CTNND2: variants seen among roughly 807,000 people sequenced by gnomAD.
The protein encoded by CTNND2 is catenin delta-2.
CTNND2 carries 22 observed loss-of-function variants against 144.4 expected under a neutral mutation model. The ratio of observed to expected loss-of-function variants is 0.15; its 90% CI spans 0.11 to 0.22. The LOEUF (loss-of-function observed/expected upper bound fraction) is 0.22. Ranked by LOEUF, CTNND2 falls within the 10% of genes least tolerant of loss-of-function variation. CTNND2 has a pLI of 1.00. For synonymous variants in CTNND2, 751 were observed against 695.6 expected (o/e 1.08, Z -1.25); for missense variants, 1,353 against 1,618.8 (o/e 0.84, Z 2.82).
At chr5:11,706,771 T>C (rs1785716738) in intron 2 of CTNND2, among the ~76,000 whole-genome samples, 1 of 152,106 alleles carries the variant, frequency 6.6e-6, no homozygotes, top group African/African-American at 2.4e-5. Context: ...TGATGAACTT[T>C]CCTACCAGGG....
At chr5:11,371,902 C>G (rs563123061) in intron 7 of CTNND2, among the ~76,000 whole-genome samples, 1 of 152,200 alleles carries the variant, frequency 6.6e-6, no homozygotes, top group East Asian at 1.9e-4. Context: ...AACAGGCCAT[C>G]TGATAATATA....
chr5:11,666,217 G>A (rs1309967294), intron 2 of CTNND2, among the ~76,000 whole-genome samples: 2 of 152,140 alleles, frequency 1.3e-5, no homozygotes, highest in African/African-American at 4.8e-5. Flanking sequence ...TGGAGAAAGA[G>A]GTAATTCGAG....
intron 18 of CTNND2, among the ~76,000 whole-genome samples, chr5:11,003,183 AT>A (rs1012187828): frequency 5.2e-4 from 78 of 150,134 alleles, no homozygotes; most frequent in East Asian, 1.4e-3. Context: ...GTCAAGTCTA[AT>A]TTTTTTTTTA....
intron 2 of CTNND2, among the ~76,000 whole-genome samples, chr5:11,591,378 G>A (rs1191431911): frequency 6.6e-6 from 1 of 152,134 alleles, no homozygotes; most frequent in African/African-American, 2.4e-5. Flanking sequence ...TTTCCCAGGT[G>A]AGAACTATTG....
intron 10 of CTNND2, among the ~76,000 whole-genome samples, chr5:11,230,937 T>C (rs1302672451): frequency 1.4e-5 from 2 of 142,052 alleles, no homozygotes; most frequent in Non-Finnish European, 3.1e-5. Flanking sequence ...TTCACCTCAC[T>C]GCTGGGAGGG....
intron 16 of CTNND2, among the ~76,000 whole-genome samples, chr5:11,037,288 A>G (rs1245260718): frequency 6.6e-6 from 1 of 152,308 alleles, no homozygotes; most frequent in South Asian, 2.1e-4. Flanking sequence ...CTTAGCACCA[A>G]CAGGTGGTTT....
intron 1 of CTNND2, among the ~76,000 whole-genome samples, chr5:11,735,208 T>C (rs1787614356): frequency 1.3e-5 from 2 of 152,188 alleles, no homozygotes; most frequent in Admixed American, 6.5e-5. Flanking sequence ...GTAATTATGG[T>C]GGTGTGTTAG....
chr5:11,022,571 G>T (rs192925897), intron 17 of CTNND2, among the ~76,000 whole-genome samples, 198 bp downstream of exon 17: 283 of 152,296 alleles, frequency 1.9e-3, no homozygotes, highest in Non-Finnish European at 3.4e-3. Flanking sequence ...AGGAGCACAT[G>T]GGTGTGCTGG....
At chr5:11,550,212 C>T (rs1438006172) in intron 3 of CTNND2, among the ~76,000 whole-genome samples, 2 of 152,190 alleles carry the variant, frequency 1.3e-5, no homozygotes, top group Admixed American at 6.5e-5. Flanking sequence ...TCCAATTACA[C>T]ATCACTAGTA....
intron 9 of CTNND2, among the ~76,000 whole-genome samples, chr5:11,301,761 C>T (rs532107056): frequency 6.6e-6 from 1 of 152,246 alleles, no homozygotes; most frequent in Non-Finnish European, 1.5e-5. Context: ...AAGTCACATA[C>T]TACATTTCGA....
chr5:11,450,723 C>A (rs895409817), intron 3 of CTNND2, among the ~76,000 whole-genome samples: 3 of 151,974 alleles, frequency 2.0e-5, no homozygotes, highest in African/African-American at 4.8e-5. Context: ...CATGGTGAAA[C>A]CCCGTCCCTA....
At chr5:11,792,429 T>C (rs755462899) in intron 1 of CTNND2, among the ~76,000 whole-genome samples, 7 of 152,244 alleles carry the variant, frequency 4.6e-5, no homozygotes, top group Non-Finnish European at 8.8e-5. Flanking sequence ...CTTTCCATTT[T>C]TAAGTAATTC....
At chr5:11,852,076 A>G (rs1467851465) in intron 1 of CTNND2, among the ~76,000 whole-genome samples, 1 of 152,038 alleles carries the variant, frequency 6.6e-6, no homozygotes, top group Non-Finnish European at 1.5e-5. Context: ...GTGGCACCCA[A>G]CGGCATTCAT....
chr5:11,451,985 G>A (rs1258048011), intron 3 of CTNND2, among the ~76,000 whole-genome samples: 1 of 152,140 alleles, frequency 6.6e-6, no homozygotes, highest in Non-Finnish European at 1.5e-5. Context: ...CCCCAACAGT[G>A]GTACATACGT....
At chr5:11,827,792 G>A (rs552876332) in intron 1 of CTNND2, among the ~76,000 whole-genome samples, 78 of 152,252 alleles carry the variant, frequency 5.1e-4, no homozygotes, top group African/African-American at 1.7e-3. Flanking sequence ...TAATTCATAG[G>A]TAAAATCCTT....
At chr5:11,569,273 T>C (rs2150113244) in intron 2 of CTNND2, among the ~76,000 whole-genome samples, 1 of 152,180 alleles carries the variant, frequency 6.6e-6, no homozygotes, top group South Asian at 2.1e-4. Context: ...AAAGCCTAAA[T>C]CTCCCCACTA....
chr5:11,008,113 C>T (rs998676749), intron 18 of CTNND2, among the ~76,000 whole-genome samples: 1 of 152,134 alleles, frequency 6.6e-6, no homozygotes. Flanking sequence ...CTGGCTCTGG[C>T]AGGCGTTATA....
intron 5 of CTNND2, among the ~76,000 whole-genome samples, chr5:11,403,268 G>A (rs1760788341): frequency 6.6e-6 from 1 of 151,972 alleles, no homozygotes; most frequent in South Asian, 2.1e-4. Flanking sequence ...GGTTCTCATT[G>A]TTCAACTCCC....
At chr5:11,720,735 TG>T (rs1238768712) in intron 2 of CTNND2, among the ~76,000 whole-genome samples, 1 of 152,238 alleles carries the variant, frequency 6.6e-6, no homozygotes, top group African/African-American at 2.4e-5. Context: ...TAAAATGTGT[TG>T]TTGGTCTGCC....
Sources: gnomAD v4.1 joint callset for allele counts (sites outside exome capture counted in the v4.1 genomes callset) on GRCh38, gnomAD v4.1.1 for gene constraint, MANE v1.5 for transcripts, NCBI Gene and HGNC (gene_info 2026-07-23, HGNC 2026-07-21) for gene names.